CHD7: variants seen among roughly 807,000 people sequenced by gnomAD.
CHD7 encodes the protein chromodomain helicase DNA binding protein 7.
Under a neutral mutation model 307.3 loss-of-function variants are expected in CHD7, and 24 were observed. The ratio of observed to expected loss-of-function variants is 0.08; its 90% CI spans 0.06 to 0.11. The LOEUF (loss-of-function observed/expected upper bound fraction) is 0.11. Among genes scored for constraint, CHD7 ranks in the 10% least tolerant of loss-of-function variants. The probability of loss-of-function intolerance (pLI) is 1.00; values close to 1 mark genes in which losing one functional copy is unlikely to be tolerated. For missense variants in CHD7, 3,106 were observed against 3,727.1 expected (o/e 0.83, Z 4.34); for synonymous variants, 1,363 against 1,349.9 (o/e 1.01, Z -0.21).
chr8:60,834,397 A>G (rs146379539), intron 15 of CHD7, among the ~76,000 whole-genome samples: 1 of 152,358 alleles, frequency 6.6e-6, no homozygotes, highest in Non-Finnish European at 1.5e-5. Flanking sequence ...TTGTACAACA[A>G]GAATACACTT....
intron 32 of CHD7, chr8:60,855,021 A>C (rs1258070776): frequency 6.6e-6 from 1 of 152,216 alleles, no homozygotes; most frequent in Non-Finnish European, 1.5e-5. Context: ...AATGGAAATT[A>C]CTTTTTTGGC....
intron 4 of CHD7, among the ~76,000 whole-genome samples, chr8:60,799,295 T>G (rs1247728159): frequency 1.3e-5 from 2 of 152,180 alleles, no homozygotes; most frequent in African/African-American, 4.8e-5. Flanking sequence ...GTCTGCATGT[T>G]TAAGTTTTGA....
At chr8:60,788,410 G>A (rs1811603863) in intron 3 of CHD7, among the ~76,000 whole-genome samples, 1 of 152,102 alleles carries the variant, frequency 6.6e-6, no homozygotes, top group Non-Finnish European at 1.5e-5. Context: ...CAAAGTGCTG[G>A]GTTTACAGGC....
At chr8:60,779,742 C>T (rs1257078106) in intron 2 of CHD7, among the ~76,000 whole-genome samples, 1 of 152,214 alleles carries the variant, frequency 6.6e-6, no homozygotes, top group Non-Finnish European at 1.5e-5. Flanking sequence ...TCTGCCTGCT[C>T]CTCTTCTGTA....
At chr8:60,792,387 AG>A (rs1259720967) in intron 3 of CHD7, among the ~76,000 whole-genome samples, 2 of 152,180 alleles carry the variant, frequency 1.3e-5, no homozygotes, top group Admixed American at 6.5e-5. Context: ...TGGACACTGA[AG>A]ATTTTGTTGC....
intron 1 of CHD7, among the ~76,000 whole-genome samples, chr8:60,729,035 A>G (rs955926995): frequency 1.3e-5 from 2 of 152,234 alleles, no homozygotes; most frequent in African/African-American, 4.8e-5. Flanking sequence ...TACAAGTGTT[A>G]TACATGATTC....
intron 1 of CHD7, among the ~76,000 whole-genome samples, chr8:60,680,377 GGCGC>G (rs1805546036): frequency 7.2e-6 from 1 of 139,264 alleles, no homozygotes; most frequent in Admixed American, 7.0e-5. Context: ...CGGGCGCGGC[GGCGC>G]GGGGCTGTCG....
chr8:60,841,502 G>A, intron 19 of CHD7, 142 bp from the exon 20 acceptor site: 1 of 664,368 alleles, frequency 1.5e-6, no homozygotes, highest in Non-Finnish European at 2.7e-6. Context: ...GGGCCAGTCT[G>A]TCATTCTAGT....
intron 1 of CHD7, among the ~76,000 whole-genome samples, chr8:60,728,285 GGTATA>G (rs1808269751): frequency 6.6e-6 from 1 of 152,206 alleles, no homozygotes; most frequent in South Asian, 2.1e-4. Context: ...TCTTTTGAAT[GGTATA>G]GTATTAGCGG....
intron 8 of CHD7, 112 bp from the exon 9 acceptor site, chr8:60,819,895 G>T: frequency 2.8e-6 from 2 of 721,124 alleles, no homozygotes; most frequent in Non-Finnish European, 4.6e-6. Flanking sequence ...TTTGCCAAAT[G>T]TAAGTTTTAT....
At chr8:60,831,399 A>C (rs1475734380) in intron 15 of CHD7, among the ~76,000 whole-genome samples, 1 of 152,048 alleles carries the variant, frequency 6.6e-6, no homozygotes, top group Admixed American at 6.6e-5. Context: ...ATACAAGCAA[A>C]GAGAGGGGGT....
intron 1 of CHD7, among the ~76,000 whole-genome samples, chr8:60,685,250 A>G (rs12544305): frequency 0.82 from 125,069 of 152,300 alleles, 51,679 homozygotes; most frequent in East Asian, 0.94. Flanking sequence ...ACCAAAAGAT[A>G]TTGGACGTGG....
At chr8:60,849,513 C>G (rs1447251372) in intron 25 of CHD7, among the ~76,000 whole-genome samples, 1 of 152,180 alleles carries the variant, frequency 6.6e-6, no homozygotes, top group African/African-American at 2.4e-5. Flanking sequence ...TGGGCTTAAC[C>G]TCTGCTATTA....
chr8:60,810,100 T>G (rs2150727698), intron 7 of CHD7, among the ~76,000 whole-genome samples: 1 of 152,334 alleles, frequency 6.6e-6, no homozygotes, highest in Non-Finnish European at 1.5e-5. Flanking sequence ...CCAGATTTGG[T>G]CAGTGGGAGC....
chr8:60,817,312 T>A (rs1291368016), intron 8 of CHD7, among the ~76,000 whole-genome samples: 1 of 152,214 alleles, frequency 6.6e-6, no homozygotes, highest in Admixed American at 6.5e-5. Context: ...AGCGTACAAT[T>A]TGATGCAAAA....
chr8:60,861,174 A>G, intron 35 of CHD7, 49 bp downstream of exon 35: 1 of 1,388,850 alleles, frequency 7.2e-7, no homozygotes. Context: ...AGGCCGGTCC[A>G]CTTCATTCCC....
intron 2 of CHD7, among the ~76,000 whole-genome samples, chr8:60,762,374 T>TAC (rs1312009212): frequency 6.6e-6 from 1 of 152,176 alleles, no homozygotes; most frequent in African/African-American, 2.4e-5. Flanking sequence ...CTGTCTCTGT[T>TAC]ACGATTATTG....
At chr8:60,851,946 C>G (rs1272584276) in intron 28 of CHD7, 73 bp from the exon 29 acceptor site, 11 of 1,004,334 alleles carry the variant, frequency 1.1e-5, no homozygotes, top group Non-Finnish European at 1.5e-5. Context: ...AATGAGTCAT[C>G]CTGTTTTGTT....
intron 23 of CHD7, among the ~76,000 whole-genome samples, chr8:60,846,573 G>T (rs561861670): frequency 6.6e-6 from 1 of 152,288 alleles, no homozygotes; most frequent in East Asian, 1.9e-4. Flanking sequence ...TCAGCCTCTT[G>T]AGGACTCACT....
Sources: gnomAD v4.1 joint callset for allele counts (sites outside exome capture counted in the v4.1 genomes callset) on GRCh38, gnomAD v4.1.1 for gene constraint, MANE v1.5 for transcripts, NCBI Gene and HGNC (gene_info 2026-07-23, HGNC 2026-07-21) for gene names.